HVCN1: variants seen among roughly 807,000 people sequenced by gnomAD.
The protein encoded by HVCN1 is voltage-gated hydrogen channel 1.
A neutral mutation model predicts 29.2 loss-of-function variants in HVCN1; 14 were observed. The ratio of observed to expected loss-of-function variants is 0.48; its 90% CI spans 0.32 to 0.75. HVCN1 has a LOEUF of 0.75. Ranked by LOEUF, HVCN1 falls within the 30% of genes least tolerant of loss-of-function variation. The pLI is 0.04. For missense variants in HVCN1, 263 were observed against 341.8 expected (o/e 0.77, Z 1.82); for synonymous variants, 131 against 133.2 (o/e 0.98, Z 0.11).
chr12:110,693,377 C>G (rs902160278), upstream of HVCN1, among the ~76,000 whole-genome samples: 3 of 152,034 alleles, frequency 2.0e-5, no homozygotes, highest in African/African-American at 7.2e-5. Context: ...AACCCTGTCT[C>G]TACTAAAAAA....
intron 3 of HVCN1, among the ~76,000 whole-genome samples, chr12:110,663,900 A>G (rs1332378335): frequency 6.6e-6 from 1 of 152,044 alleles, no homozygotes; most frequent in South Asian, 2.1e-4. Context: ...GATATCTTAG[A>G]GGAAGACCTT....
chr12:110,682,979 A>G (rs1191981588), intron 3 of HVCN1: 3 of 428,724 alleles, frequency 7.0e-6, no homozygotes, highest in Non-Finnish European at 1.2e-5. Context: ...AAAAAAAAAC[A>G]AAAAAAACCG....
chr12:110,673,592 A>C (rs924700528), intron 3 of HVCN1, among the ~76,000 whole-genome samples: 2 of 152,144 alleles, frequency 1.3e-5, no homozygotes, highest in African/African-American at 4.8e-5. Flanking sequence ...ACAGACCCAG[A>C]GGCCCAGGAG....
chr12:110,657,443 C>T (rs2068025907), intron 4 of HVCN1, among the ~76,000 whole-genome samples: 1 of 149,466 alleles, frequency 6.7e-6, no homozygotes, highest in African/African-American at 2.5e-5. Context: ...TGCAGTGAGC[C>T]GAGATCGCAC....
intron 2 of HVCN1, among the ~76,000 whole-genome samples, chr12:110,699,315 G>C (rs2069538287): frequency 6.6e-6 from 1 of 152,162 alleles, no homozygotes; most frequent in African/African-American, 2.4e-5. Context: ...GCCAAGGGGT[G>C]GGCCTGGAAC....
chr12:110,664,865 C>A (rs1278573574), intron 3 of HVCN1, among the ~76,000 whole-genome samples: 2 of 152,138 alleles, frequency 1.3e-5, no homozygotes. Context: ...AAAAAAACTC[C>A]TTGGGGTGCT....
chr12:110,670,981 C>A (rs571518886), intron 3 of HVCN1, among the ~76,000 whole-genome samples: 41 of 152,100 alleles, frequency 2.7e-4, no homozygotes, highest in Non-Finnish European at 5.9e-4. Context: ...CACTTGAGGT[C>A]AAGAGTTCAA....
intron 5 of HVCN1, among the ~76,000 whole-genome samples, chr12:110,652,107 G>T (rs1358491304): frequency 2.0e-5 from 3 of 152,234 alleles, no homozygotes; most frequent in Non-Finnish European, 2.9e-5. Context: ...TCTTGATCTA[G>T]TCCTGGCTGG....
Position 110,676,312 on chromosome 12 carries a change from G to A in HVCN1, c.21+6913C>T, listed in dbSNP as rs940873824. Among the ~76,000 whole-genome samples the A allele has an allele frequency of 6.6e-6, 1 of 152,178 alleles. No homozygotes were observed. The highest frequency in any genetic ancestry group is 1.5e-5 in the Non-Finnish European group (1 of 68,042). ...TTCCCTGCTGCATTCTCCATCAGCT[G>A]CAGGAGAGCATCCCTCCAAGCATGA... On this transcript the variant is annotated intron_variant, in intron 3 of 7. Transcript: ENST00000242607. The surrounding 1 kb of genome is among the most constrained non-coding windows in gnomAD (Gnocchi z 4.1).
rs2067665998 is a variant in HVCN1, at chr12:110,649,270, C to CAGAATCCATGCTGG, written c.*126_*139dup. 1 of 710,916 alleles carries CAGAATCCATGCTGG rather than the reference C, an allele frequency of 1.4e-6. No individual in the cohort carries two copies. The highest frequency in any genetic ancestry group is 1.8e-5 in the African/African-American group (1 of 56,534). The allele number at this position is 710,916 out of a possible 1,614,324, so 44.0% of individuals were successfully genotyped here. A position where few individuals can be genotyped will look rare whatever the true frequency, so the allele number is the denominator to read the frequency against. On this transcript the variant is annotated 3_prime_UTR_variant, in exon 8 of 8. Transcript: ENST00000242607. ...GACCTTCCACAAGGCTGTGTCCACC[C>CAGAATCCATGCTGG]AGAATCCATGCTGGCAGGAGGGAGG...
intron 3 of HVCN1, among the ~76,000 whole-genome samples, chr12:110,671,216 A>G (rs2068563274): frequency 6.6e-6 from 1 of 151,764 alleles, no homozygotes; most frequent in Non-Finnish European, 1.5e-5. Flanking sequence ...AATCCTAGCT[A>G]CTCCGGAGGC....
Position 110,651,568 on chromosome 12 carries a change from C to T in HVCN1, c.412-120G>A, listed in dbSNP as rs373689944. 1.5e-4 allele frequency: 101 copies of T among 688,992 alleles called. No individual in the cohort carries two copies. The African/African-American group carries it at 1.5e-3, about 10-fold the overall frequency. 42.7% of individuals were successfully genotyped at this position (688,992 alleles called of 1,614,324 possible). On this transcript the variant is annotated intron_variant, in intron 5 of 7. Coordinates refer to ENST00000242607, the MANE Select transcript of HVCN1 (RefSeq NM_032369.4). ...TCCTCTGGTGGACAAATCCAGATGC[C>T]CAGTGCTGGAAACACAGCTGTGAAC...
intron 2 of HVCN1, among the ~76,000 whole-genome samples, chr12:110,701,592 C>T (rs1388710012): frequency 6.6e-6 from 1 of 152,166 alleles, no homozygotes; most frequent in Non-Finnish European, 1.5e-5. Context: ...CGAGGTGGCT[C>T]ACGCCTGTAA....
chr12:110,675,901 T>A (rs2068738359), intron 3 of HVCN1, among the ~76,000 whole-genome samples: 1 of 152,036 alleles, frequency 6.6e-6, no homozygotes, highest in Non-Finnish European at 1.5e-5. Context: ...AGAACAAGAT[T>A]CTGTCTCAAT....
At chr12:110,672,033 G>A (rs561912165) in intron 3 of HVCN1, among the ~76,000 whole-genome samples, 1 of 152,212 alleles carries the variant, frequency 6.6e-6, no homozygotes, top group Non-Finnish European at 1.5e-5. Flanking sequence ...GAGGGTAACA[G>A]GGCAGTTCCT....
intron 2 of HVCN1, among the ~76,000 whole-genome samples, chr12:110,699,311 G>T (rs1399154810): frequency 2.0e-5 from 3 of 152,146 alleles, no homozygotes; most frequent in African/African-American, 7.2e-5. Flanking sequence ...TCCTGCCAAG[G>T]GGTGGGCCTG....
chr12:110,684,430 C>A (rs1414729514), intron 2 of HVCN1, among the ~76,000 whole-genome samples: 2 of 152,092 alleles, frequency 1.3e-5, no homozygotes, highest in Non-Finnish European at 2.9e-5. Flanking sequence ...TTCTGAACAC[C>A]CACCACCAGC....
intron 3 of HVCN1, among the ~76,000 whole-genome samples, chr12:110,663,029 TAAC>T (rs776708523): frequency 1.2e-4 from 18 of 152,106 alleles, no homozygotes; most frequent in Non-Finnish European, 2.2e-4. Flanking sequence ...CAGAGTGAAG[TAAC>T]AATAGCACAT....
At chr12:110,690,590 C>T (rs537615286), upstream of HVCN1, among the ~76,000 whole-genome samples, 1 of 152,258 alleles carries the variant, frequency 6.6e-6, no homozygotes, top group Admixed American at 6.5e-5. Flanking sequence ...AATTCTCCTG[C>T]CTCAAGCCTC....
Sources: allele counts gnomAD v4.1 joint callset (sites outside exome capture counted in the v4.1 genomes callset), GRCh38; gene constraint gnomAD v4.1.1; non-coding constraint Gnocchi (gnomAD v3.1); transcripts MANE v1.5; gene names NCBI Gene and HGNC (gene_info 2026-07-23, HGNC 2026-07-21).